Variants in CTNNA3 observed in about 807,000 individuals in gnomAD.
CTNNA3 encodes catenin alpha 3.
Under a neutral mutation model 95.7 loss-of-function variants are expected in CTNNA3, and 76 were observed. The observed-to-expected ratio is 0.79, with a 90% confidence interval of 0.66 to 0.96. The LOEUF (loss-of-function observed/expected upper bound fraction) is 0.96. Ranked by LOEUF, CTNNA3 falls within the 40% of genes least tolerant of loss-of-function variation. The pLI is 0.00. For synonymous variants in CTNNA3, 431 were observed against 374.4 expected (o/e 1.15, Z -1.74); for missense variants, 1,191 against 1,089.8 (o/e 1.09, Z -1.31).
chr10:67,000,120 G>A (rs1426113347), intron 7 of CTNNA3, among the ~76,000 whole-genome samples: 2 of 152,154 alleles, frequency 1.3e-5, no homozygotes, highest in Admixed American at 6.5e-5. Flanking sequence ...AGGCTCTATT[G>A]TAAAAATATA....
At chr10:66,318,432 T>G (rs2092134393) in intron 12 of CTNNA3, among the ~76,000 whole-genome samples, 1 of 151,946 alleles carries the variant, frequency 6.6e-6, no homozygotes, top group Non-Finnish European at 1.5e-5. Flanking sequence ...GCACCTATCT[T>G]TCTTTGTATT....
chr10:66,461,278 T>C (rs1429331814), intron 11 of CTNNA3, among the ~76,000 whole-genome samples: 1 of 152,104 alleles, frequency 6.6e-6, no homozygotes, highest in East Asian at 1.9e-4. Context: ...CAGACCATGC[T>C]AGATGAGCCC....
chr10:66,430,059 A>G (rs1373265019), intron 11 of CTNNA3, among the ~76,000 whole-genome samples: 1 of 127,334 alleles, frequency 7.9e-6, no homozygotes, highest in Admixed American at 7.8e-5. Context: ...GCAATGTCTC[A>G]GGATACAAAA....
At chr10:66,446,244 T>C (rs2093420208) in intron 11 of CTNNA3, among the ~76,000 whole-genome samples, 2 of 152,198 alleles carry the variant, frequency 1.3e-5, no homozygotes, top group East Asian at 1.9e-4. Context: ...CTACCAAAGA[T>C]ACAAAGAGGA....
chr10:67,014,064 T>G (rs1315757518), intron 7 of CTNNA3, among the ~76,000 whole-genome samples: 1 of 152,200 alleles, frequency 6.6e-6, no homozygotes. Context: ...AATAACCTTT[T>G]TTCCCCTTAA....
chr10:65,989,322 T>C (rs953309736), intron 15 of CTNNA3, among the ~76,000 whole-genome samples: 2 of 152,096 alleles, frequency 1.3e-5, no homozygotes, highest in African/African-American at 2.4e-5. Flanking sequence ...TGCCAGCCTA[T>C]TGTGTTAAGT....
chr10:67,253,591 G>C (rs1425668236), intron 5 of CTNNA3, among the ~76,000 whole-genome samples: 1 of 152,106 alleles, frequency 6.6e-6, no homozygotes, highest in Admixed American at 6.6e-5. Flanking sequence ...GTCAAGTCCT[G>C]GGAATGGCAT....
intron 5 of CTNNA3, among the ~76,000 whole-genome samples, chr10:67,399,727 C>G (rs946327267): frequency 2.0e-5 from 3 of 152,094 alleles, no homozygotes; most frequent in African/African-American, 7.2e-5. Flanking sequence ...AGGTACTTAC[C>G]AAAGTTTGTC....
At chr10:67,708,841 G>A (rs1006204924) in intron 1 of CTNNA3, among the ~76,000 whole-genome samples, 6 of 151,912 alleles carry the variant, frequency 3.9e-5, no homozygotes, top group African/African-American at 1.2e-4. Flanking sequence ...CATAGTCCTC[G>A]AACCCATCAG....
intron 11 of CTNNA3, among the ~76,000 whole-genome samples, chr10:66,421,910 A>ATATATATATATATATATATG (rs1564946923): frequency 2.7e-5 from 4 of 145,670 alleles, no homozygotes; most frequent in Non-Finnish European, 6.0e-5. Context: ...ATATATATAT[A>ATATATATATATATATATATG]TATATACACA....
intron 11 of CTNNA3, among the ~76,000 whole-genome samples, chr10:66,477,669 C>G (rs777024690): frequency 5.9e-5 from 9 of 152,028 alleles, no homozygotes; most frequent in Non-Finnish European, 1.3e-4. Context: ...TTATAGTCAT[C>G]TTTATAGGTC....
intron 15 of CTNNA3, among the ~76,000 whole-genome samples, chr10:66,022,140 G>A (rs922803736): frequency 7.9e-5 from 12 of 152,144 alleles, no homozygotes; most frequent in Non-Finnish European, 1.5e-4. Flanking sequence ...TTACAGGCTT[G>A]AGCCACCATG....
intron 7 of CTNNA3, among the ~76,000 whole-genome samples, chr10:66,790,251 C>T (rs1175344593): frequency 3.6e-4 from 55 of 152,094 alleles, no homozygotes; most frequent in Non-Finnish European, 8.8e-5. Context: ...GAGTTCAAGA[C>T]CAGCCTGGTC....
At chr10:66,140,863 T>C (rs980811256) in intron 13 of CTNNA3, among the ~76,000 whole-genome samples, 1 of 152,204 alleles carries the variant, frequency 6.6e-6, no homozygotes, top group Non-Finnish European at 1.5e-5. Flanking sequence ...TTCTTTATGT[T>C]TTTATTTAAG....
rs1239218750 is a variant in CTNNA3, at chr10:65,920,563, C to T, written c.2455G>A (p.Val819Met). Reference sequence around the variant, plus strand: ...ATGTAAGACATTTTCACTGTTTGCACTACAGCATTCATTAAATTTTTGGCT... The same window carrying T: ...ATGTAAGACATTTTCACTGTTTGCATTACAGCATTCATTAAATTTTTGGCT... ...QAAKNLMNAV[V>M]QTVKMSYIAS... Residue 819 changes from valine to methionine, a missense_variant, in exon 18 of 18, where the codon GTG (valine) becomes ATG (methionine). Physicochemically the swap from Val to Met is conservative, Grantham distance 21. Coordinates refer to ENST00000433211, the MANE Select transcript of CTNNA3 (RefSeq NM_013266.4). 15 of 1,614,020 alleles carry T rather than the reference C, an allele frequency of 9.3e-6. No individual in the cohort carries two copies. The highest frequency in any genetic ancestry group is 2.7e-5 in the African/African-American group (2 of 74,922).
chr10:66,609,914 C>A (rs545412576), intron 10 of CTNNA3, among the ~76,000 whole-genome samples: 1 of 152,234 alleles, frequency 6.6e-6, no homozygotes, highest in East Asian at 1.9e-4. Context: ...GAATACTCTG[C>A]AGCCATAAAA....
chr10:67,590,583 T>G (rs183223070), intron 3 of CTNNA3, among the ~76,000 whole-genome samples: 271 of 152,260 alleles, frequency 1.8e-3, no homozygotes, highest in African/African-American at 6.1e-3. Context: ...ACTTTTTAAT[T>G]TTTGCCAGTT....
intron 1 of CTNNA3, among the ~76,000 whole-genome samples, chr10:67,652,512 A>C: frequency 6.6e-6 from 1 of 152,318 alleles, no homozygotes; most frequent in South Asian, 2.1e-4. Flanking sequence ...AATTAATTAA[A>C]CATTTTATTA....
chr10:67,033,920 C>T (rs1853885465), intron 7 of CTNNA3, among the ~76,000 whole-genome samples: 1 of 152,034 alleles, frequency 6.6e-6, no homozygotes. Flanking sequence ...TACAGGCTTG[C>T]GCTACCACAC....
Sources: allele counts gnomAD v4.1 joint callset (sites outside exome capture counted in the v4.1 genomes callset), GRCh38; gene constraint gnomAD v4.1.1; transcripts MANE v1.5; gene names NCBI Gene and HGNC (gene_info 2026-07-23, HGNC 2026-07-21).